The following ATG4B variants were observed in gnomAD, a reference collection of about 807,000 sequenced individuals.
ATG4B encodes the protein cysteine protease ATG4B.
A neutral mutation model predicts 56.6 loss-of-function variants in ATG4B; 29 were observed. That is an observed-to-expected ratio of 0.51 (90% CI 0.38 to 0.70). The LOEUF is 0.70. Among genes scored for constraint, ATG4B ranks in the 30% least tolerant of loss-of-function variants. ATG4B has a pLI of 0.00. For missense variants in ATG4B, 461 were observed against 515.5 expected (o/e 0.89, Z 1.02); for synonymous variants, 224 against 206.1 (o/e 1.09, Z -0.74).
At chr2:241,655,898 T>TG (rs753983261) in intron 6 of ATG4B, among the ~76,000 whole-genome samples, 1 of 152,214 alleles carries the variant, frequency 6.6e-6, no homozygotes, top group Non-Finnish European at 1.5e-5. Flanking sequence ...TCCAGAAACT[T>TG]GCCTGTGGTT....
chr2:241,643,652 A>G (rs549436946), intron 1 of ATG4B, among the ~76,000 whole-genome samples: 6 of 109,360 alleles, frequency 5.5e-5, no homozygotes, highest in African/African-American at 2.5e-4. Context: ...ATATGTATAA[A>G]TATATATATA....
At chr2:241,660,790 T>C (rs2068566797) in intron 7 of ATG4B, among the ~76,000 whole-genome samples, 2 of 152,164 alleles carry the variant, frequency 1.3e-5, no homozygotes, top group Non-Finnish European at 2.9e-5. Flanking sequence ...TATACCTTAG[T>C]TCCCTGTTCA....
chr2:241,660,227 C>T (rs1240740019), intron 7 of ATG4B, among the ~76,000 whole-genome samples: 1 of 152,200 alleles, frequency 6.6e-6, no homozygotes, highest in Non-Finnish European at 1.5e-5. Flanking sequence ...GAGCCACAGC[C>T]GTAACTGCGC....
chr2:241,665,619 A>G (rs1414528061), intron 7 of ATG4B, among the ~76,000 whole-genome samples: 2 of 152,192 alleles, frequency 1.3e-5, no homozygotes, highest in Non-Finnish European at 2.9e-5. Context: ...TCTGGGTGGC[A>G]GTGTCCTCTG....
At chr2:241,640,637 A>G (rs1196327084) in intron 1 of ATG4B, among the ~76,000 whole-genome samples, 1 of 152,058 alleles carries the variant, frequency 6.6e-6, no homozygotes, top group Non-Finnish European at 1.5e-5. Context: ...CTCCTGGGGG[A>G]TGGTGATTTG....
rs2068239786 is a variant in ATG4B, at chr2:241,651,908, G to A, written c.184+573G>A. On this transcript the variant is annotated intron_variant, in intron 3 of 12. Coordinates refer to ENST00000404914, the MANE Select transcript of ATG4B (RefSeq NM_013325.5). The surrounding 1 kb of genome is among the most constrained non-coding windows in gnomAD (Gnocchi z 4.1). ...GCCATTCATCATTGTTGTATACCCT[G>A]GAGCTGGAAGGAGATGGGGACTGGT... 6.9e-6 allele frequency: 9 copies of A among 1,304,110 alleles called. No individual in the cohort carries two copies. Among genetic ancestry groups the A allele is most frequent in the Admixed American group, 2.3e-5 (1 of 43,566 alleles). The allele number at this position is 1,304,110 out of a possible 1,614,324, so 80.8% of individuals were successfully genotyped here. A position where few individuals can be genotyped will look rare whatever the true frequency, so the allele number is the denominator to read the frequency against.
chr2:241,647,260 C>T lies in ATG4B; in HGVS notation c.11-3750C>T, dbSNP rs143873883. Reference sequence around the variant, plus strand: ...TTAGTTCAAAGCTGGTGCCTTGGAACGGTGTCAAACATGAGAAGAATGTTC... The same window carrying T: ...TTAGTTCAAAGCTGGTGCCTTGGAATGGTGTCAAACATGAGAAGAATGTTC... On this transcript the variant is annotated intron_variant, in intron 1 of 12. Coordinates refer to ENST00000404914, the MANE Select transcript of ATG4B (RefSeq NM_013325.5). Among the ~76,000 whole-genome samples the T allele has an allele frequency of 2.2e-3, 324 of 148,432 alleles. 1 individual carries two copies. Among genetic ancestry groups the T allele is most frequent in the African/African-American group, 7.6e-3 (305 of 39,990 alleles).
chr2:241,649,505 G>A (rs1024217222), intron 1 of ATG4B, among the ~76,000 whole-genome samples: 2 of 152,234 alleles, frequency 1.3e-5, no homozygotes, highest in Non-Finnish European at 2.9e-5. Flanking sequence ...TGAAGGATGA[G>A]TGATCAGACA....
In ATG4B at chr2:241,668,650, A is replaced by T; in HGVS notation, c.922A>T (p.Met308Leu). 1 of 1,582,232 alleles carries T rather than the reference A, an allele frequency of 6.3e-7. No homozygotes were observed. The highest frequency in any genetic ancestry group is 8.6e-7 in the Non-Finnish European group (1 of 1,165,224). ...CCACTGCCAGCACCCGCCGTGCCGC[A>T]TGAGCATCGCGGAGCTTGACCCGTC... ...SFHCQHPPCR[M>L]SIAELDPSIA... The change falls in exon 10 of 13, where the codon ATG becomes TTG. Residue 308 changes from methionine to leucine, a missense_variant. Coordinates refer to ENST00000404914, the MANE Select transcript of ATG4B (RefSeq NM_013325.5). This position sits in a 1 kb window ranked among gnomAD's most constrained non-coding sequence, Gnocchi z 4.2.
intron 1 of ATG4B, among the ~76,000 whole-genome samples, chr2:241,638,902 A>G (rs1183689948): frequency 6.6e-6 from 1 of 152,154 alleles, no homozygotes; most frequent in African/African-American, 2.4e-5. Flanking sequence ...CTGTTGTATT[A>G]TATCTTTTTA....
At position 241,666,732 on chromosome 2, in the gene ATG4B, G is replaced by C. The variant is rs372336271; in HGVS notation, c.626G>C (p.Gly209Ala). 4.3e-6 allele frequency: 7 copies of C among 1,611,516 alleles called. No homozygotes were observed. The highest frequency in any genetic ancestry group is 5.1e-6 in the Non-Finnish European group (6 of 1,178,928). ...CGGCACTGCAACGGATTCCCTGCCG[G>C]AGCTGAGGTCACCAACAGGCCGTCG... ...SDRHCNGFPAGAEVTNRPSPW... is the reference protein window; with the variant it reads ...SDRHCNGFPAAAEVTNRPSPW... The change falls in exon 8 of 13, where the codon GGA (glycine) becomes GCA (alanine). Residue 209 changes from glycine (G) to alanine (A), a missense_variant. Physicochemically the swap from Gly to Ala is moderately conservative, Grantham distance 60 (BLOSUM62 0). Coordinates refer to ENST00000404914, the MANE Select transcript of ATG4B (RefSeq NM_013325.5).
At chr2:241,659,434 T>A (rs1640350209) in intron 7 of ATG4B, 1 of 573,900 alleles carries the variant, frequency 1.7e-6, no homozygotes, top group Non-Finnish European at 3.4e-6. Flanking sequence ...ACGTCGTGTT[T>A]TGTGTCTTGG....
rs1308605293 is a variant in ATG4B at position 241,673,484 on chromosome 2, T to C, written c.*1220T>C. On this transcript the variant is annotated 3_prime_UTR_variant, in exon 13 of 13. Transcript: ENST00000404914. Reference sequence around the variant, plus strand: ...CTGCTGCTGCTGCTGCTTGTGTAGGTCGGGGAGCCAGAGATCCCCGAGGAC... The same window carrying C: ...CTGCTGCTGCTGCTGCTTGTGTAGGCCGGGGAGCCAGAGATCCCCGAGGAC... 2.4e-6 allele frequency: 1 copy of C among 419,406 alleles called. No homozygotes were observed. Among genetic ancestry groups the C allele is most frequent in the African/African-American group, 2.0e-5 (1 of 49,468 alleles). The allele number at this position is 419,406 out of a possible 1,614,324, so 26.0% of individuals were successfully genotyped here.
chr2:241,663,738 T>C (rs1194834045), intron 7 of ATG4B, among the ~76,000 whole-genome samples: 1 of 152,080 alleles, frequency 6.6e-6, no homozygotes, highest in Non-Finnish European at 1.5e-5. Flanking sequence ...CCCAGCACTT[T>C]GTGAGGCTGA....
At chr2:241,653,053 T>A (rs2068269464) in intron 3 of ATG4B, among the ~76,000 whole-genome samples, 2 of 152,120 alleles carry the variant, frequency 1.3e-5, no homozygotes, top group African/African-American at 4.8e-5. Flanking sequence ...CCCCAGGGAG[T>A]GGCCGTGAGG....
At chr2:241,654,835 G>T in intron 5 of ATG4B, 188 bp downstream of exon 5, 2 of 604,890 alleles carry the variant, frequency 3.3e-6, no homozygotes, top group South Asian at 4.0e-5. Flanking sequence ...CATCACCCCC[G>T]TCCCACCCAG....
intron 1 of ATG4B, 120 bp downstream of exon 1, chr2:241,637,844 G>C (rs2067718467): frequency 8.2e-7 from 1 of 1,217,430 alleles, no homozygotes; most frequent in Non-Finnish European, 1.1e-6. Flanking sequence ...GCCAGGCTGG[G>C]CCGGGGCGGC....
chr2:241,669,019 ACACGGGCGGCCCC>A (rs2068870786), intron 10 of ATG4B, among the ~76,000 whole-genome samples: 2 of 100,446 alleles, frequency 2.0e-5, no homozygotes, highest in South Asian at 7.0e-4. Context: ...ACATTTAAAC[ACACGGGCGGCCCC>A]TCCACCCACC....
chr2:241,668,251 T>G lies in ATG4B; in HGVS notation c.811+30T>G, dbSNP rs763807850. ...GTCCAGGGTTCCCACCGTGTCCCTGTGGGCCTGGGCCTTTTAAGGGCATTC... is the reference window on the plus strand; with the variant it reads ...GTCCAGGGTTCCCACCGTGTCCCTGGGGGCCTGGGCCTTTTAAGGGCATTC... On this transcript the variant is annotated intron_variant, in intron 9 of 12. Transcript: ENST00000404914. This position sits in a 1 kb window ranked among gnomAD's most constrained non-coding sequence, Gnocchi z 4.2. 17 of 1,564,516 alleles carry G rather than the reference T, an allele frequency of 1.1e-5. No homozygotes were observed. In the South Asian group the frequency reaches 1.9e-4, roughly 17 times the overall value.
Sources: allele counts gnomAD v4.1 joint callset (sites outside exome capture counted in the v4.1 genomes callset), GRCh38; gene constraint gnomAD v4.1.1; non-coding constraint Gnocchi (gnomAD v3.1); transcripts MANE v1.5; gene names NCBI Gene and HGNC (gene_info 2026-07-23, HGNC 2026-07-21).